Variants in IL1RAPL2 observed in about 807,000 individuals in gnomAD.
The protein encoded by IL1RAPL2 is interleukin 1 receptor accessory protein like 2.
A neutral mutation model predicts 44.1 loss-of-function variants in IL1RAPL2; 3 were observed. The observed-to-expected ratio is 0.07, with a 90% CI of 0.03 to 0.18. The LOEUF (loss-of-function observed/expected upper bound fraction) is 0.18. Among genes scored for constraint, IL1RAPL2 ranks in the 10% least tolerant of loss-of-function variants. IL1RAPL2 has a pLI of 1.00. For synonymous variants in IL1RAPL2, 181 were observed against 178.8 expected (o/e 1.01, Z -0.10); for missense variants, 391 against 496.4 (o/e 0.79, Z 2.02).
At chrX:105,148,500 G>A (rs923391458) in intron 2 of IL1RAPL2, among the ~76,000 whole-genome samples, 3 of 111,824 alleles carry the variant, frequency 2.7e-5, no homozygotes, top group Admixed American at 9.5e-5. Context: ...TTGATATTTA[G>A]AAAATCTGTT....
intron 2 of IL1RAPL2, among the ~76,000 whole-genome samples, chrX:105,163,806 A>G (rs1465698080): frequency 9.0e-6 from 1 of 111,011 alleles, no homozygotes; most frequent in East Asian, 2.9e-4. Context: ...CTAAGTAGGA[A>G]GAGACTGGCC....
At chrX:105,533,050 C>A (rs1023649606) in intron 6 of IL1RAPL2, among the ~76,000 whole-genome samples, 1 of 109,831 alleles carries the variant, frequency 9.1e-6, no homozygotes, top group Non-Finnish European at 1.9e-5. Flanking sequence ...ATTAGCCAGG[C>A]GTGGTGGTGC....
intron 2 of IL1RAPL2, among the ~76,000 whole-genome samples, chrX:104,849,911 C>T (rs192023010): frequency 9.0e-6 from 1 of 110,868 alleles, no homozygotes; most frequent in East Asian, 2.8e-4. Flanking sequence ...TTCTGGTTAA[C>T]TCTGCCAGGT....
chrX:105,019,457 A>T (rs1474570410), intron 2 of IL1RAPL2, among the ~76,000 whole-genome samples: 1 of 111,752 alleles, frequency 8.9e-6, no homozygotes, highest in Non-Finnish European at 1.9e-5. Flanking sequence ...TTAGAAAGTC[A>T]GTAGAATTGA....
intron 6 of IL1RAPL2, among the ~76,000 whole-genome samples, chrX:105,635,644 A>AT (rs2037518270): frequency 2.7e-5 from 3 of 111,467 alleles, no homozygotes; most frequent in African/African-American, 3.3e-5. Context: ...AGGGACTGTT[A>AT]TTTTCCCGAT....
At chrX:105,450,632 A>G (rs2036012736) in intron 5 of IL1RAPL2, among the ~76,000 whole-genome samples, 1 of 111,588 alleles carries the variant, frequency 9.0e-6, no homozygotes, top group African/African-American at 3.3e-5. Flanking sequence ...GAAGGAGTAC[A>G]ACTATTTGTA....
intron 6 of IL1RAPL2, among the ~76,000 whole-genome samples, chrX:105,687,362 T>G (rs1353307080): frequency 9.3e-6 from 1 of 107,548 alleles, no homozygotes. Flanking sequence ...GAGAGAAGAA[T>G]CAAATAGATG....
intron 1 of IL1RAPL2, among the ~76,000 whole-genome samples, chrX:104,582,632 C>CT (rs1223870624): frequency 1.5e-5 from 1 of 64,538 alleles, no homozygotes; most frequent in African/African-American, 6.6e-5. Flanking sequence ...TTCTTTCTTT[C>CT]TTTCTTTCTC....
intron 1 of IL1RAPL2, among the ~76,000 whole-genome samples, chrX:104,586,518 A>C (rs1048636489): frequency 2.7e-5 from 3 of 111,443 alleles, no homozygotes; most frequent in Admixed American, 9.6e-5. Flanking sequence ...AATTCATCTA[A>C]ATTCACTTTG....
chrX:105,531,719 G>T (rs1468578658), intron 6 of IL1RAPL2, among the ~76,000 whole-genome samples: 1 of 111,594 alleles, frequency 9.0e-6, no homozygotes, highest in East Asian at 2.8e-4. Flanking sequence ...AATCCATTTT[G>T]ATTTTATTTT....
At chrX:105,030,964 T>C (rs762672199) in intron 2 of IL1RAPL2, among the ~76,000 whole-genome samples, 1 of 111,172 alleles carries the variant, frequency 9.0e-6, no homozygotes, top group East Asian at 2.8e-4. Context: ...TTCACATCCC[T>C]TGTAAGTTGG....
At chrX:104,749,793 A>G (rs1240248395) in intron 2 of IL1RAPL2, among the ~76,000 whole-genome samples, 1 of 111,937 alleles carries the variant, frequency 8.9e-6, no homozygotes, top group Non-Finnish European at 1.9e-5. Flanking sequence ...TCAATGGGTG[A>G]ATATATGTAA....
chrX:104,995,517 G>A (rs918215905), intron 2 of IL1RAPL2, among the ~76,000 whole-genome samples: 1 of 111,425 alleles, frequency 9.0e-6, no homozygotes, highest in Non-Finnish European at 1.9e-5. Flanking sequence ...CACAAAATGT[G>A]CCCATTGTAA....
chrX:105,597,639 A>G (rs1187951863), intron 6 of IL1RAPL2, among the ~76,000 whole-genome samples: 1 of 111,473 alleles, frequency 9.0e-6, no homozygotes, highest in African/African-American at 3.3e-5. Context: ...TGAGGATAGT[A>G]CCAAGAGGGA....
Position 104,931,574 on chromosome X carries a change from T to C in IL1RAPL2, c.83-263901T>C, listed in dbSNP as rs191967616. ...TGGGAGGCATGAAGACCCTGGGTAG[T>C]AGCGAAAGCTGTGGTATTATTTGTG... On this transcript the variant is annotated intron_variant, in intron 2 of 10. Transcript: ENST00000372582. Among the ~76,000 whole-genome samples the C allele has an allele frequency of 3.6e-5, 4 of 111,333 alleles. No individual in the cohort carries two copies. The East Asian group carries it at 8.5e-4, about 24-fold the overall frequency.
chrX:105,163,690 G>C (rs1233330502), intron 2 of IL1RAPL2, among the ~76,000 whole-genome samples: 1 of 111,432 alleles, frequency 9.0e-6, no homozygotes, highest in African/African-American at 3.3e-5. Flanking sequence ...TGTCATTTCT[G>C]TATCTCTAGG....
At chrX:105,537,574 A>G (rs954141939) in intron 6 of IL1RAPL2, among the ~76,000 whole-genome samples, 6 of 112,019 alleles carry the variant, frequency 5.4e-5, no homozygotes, top group Non-Finnish European at 9.4e-5. Context: ...GTGTATGTTT[A>G]GAAGTATGAA....
chrX:104,578,681 T>C (rs1005539132), intron 1 of IL1RAPL2, among the ~76,000 whole-genome samples: 6 of 111,093 alleles, frequency 5.4e-5, no homozygotes, highest in African/African-American at 2.0e-4. Flanking sequence ...CTTATTGAGA[T>C]TTTCAGCAGG....
intron 7 of IL1RAPL2, among the ~76,000 whole-genome samples, chrX:105,720,425 A>C (rs1418883553): frequency 9.4e-6 from 1 of 106,660 alleles, no homozygotes; most frequent in Non-Finnish European, 1.9e-5. Context: ...CCTTGTCTAG[A>C]ATTTTATATA....
Sources: allele counts gnomAD v4.1 joint callset (sites outside exome capture counted in the v4.1 genomes callset), GRCh38; gene constraint gnomAD v4.1.1; transcripts MANE v1.5; gene names NCBI Gene and HGNC (gene_info 2026-07-23, HGNC 2026-07-21).